The following FAT3 variants were observed in gnomAD, a reference collection of about 807,000 sequenced individuals.
The protein encoded by FAT3 is FAT atypical cadherin 3, also known as protocadherin Fat 3.
In FAT3, 95 loss-of-function variants were observed where a neutral mutation model predicts 310.2. The observed-to-expected ratio is 0.31, with a 90% CI of 0.26 to 0.36. FAT3 has a LOEUF of 0.36. Among genes scored for constraint, FAT3 ranks in the 10% least tolerant of loss-of-function variants. The pLI, the probability that FAT3 is intolerant of heterozygous loss-of-function variation, is 1.00. For synonymous variants in FAT3, 2,314 were observed against 2,192.9 expected (o/e 1.06, Z -1.54); for missense variants, 5,408 against 5,715.6 (o/e 0.95, Z 1.74).
At chr11:92,651,796 T>C (rs1175177116) in intron 3 of FAT3, among the ~76,000 whole-genome samples, 1 of 152,216 alleles carries the variant, frequency 6.6e-6, no homozygotes, top group Non-Finnish European at 1.5e-5. Flanking sequence ...TTTGTCTCTG[T>C]TAGACCATGC....
At chr11:92,563,369 T>A (rs908333720) in intron 3 of FAT3, among the ~76,000 whole-genome samples, 1 of 152,204 alleles carries the variant, frequency 6.6e-6, no homozygotes, top group Non-Finnish European at 1.5e-5. Context: ...TGTACTCTTA[T>A]AAGTAAAACA....
intron 3 of FAT3, among the ~76,000 whole-genome samples, chr11:92,587,840 T>C (rs1454929979): frequency 6.6e-6 from 1 of 151,998 alleles, no homozygotes; most frequent in Non-Finnish European, 1.5e-5. Context: ...AGGACAAAAA[T>C]TGGAGGCAAA....
intron 3 of FAT3, among the ~76,000 whole-genome samples, chr11:92,566,374 A>G (rs1418364384): frequency 1.3e-5 from 2 of 152,160 alleles, no homozygotes; most frequent in Non-Finnish European, 2.9e-5. Flanking sequence ...CCACTGCTCA[A>G]TGAAATAGAA....
At position 92,471,914 on chromosome 11, in the gene FAT3, GCTATATATAT is replaced by G. The variant is rs1228556777; in HGVS notation, c.3293-52719_3293-52710del. ...CTTCAAAAGACCCTACTTTTCATAT[GCTATATATAT>G]ATATATATATATATATATATATATA... is the stretch of plus-strand genomic sequence containing the variant. On this transcript the variant is annotated intron_variant, in intron 2 of 27. Coordinates refer to ENST00000525166, the MANE Select transcript of FAT3 (RefSeq NM_001367949.2). Among the ~76,000 whole-genome samples the G allele has an allele frequency of 2.4e-3, 149 of 62,928 alleles. 1 individual carries two copies. Among genetic ancestry groups the G allele is most frequent in the African/African-American group, 7.0e-3 (146 of 20,904 alleles). The allele number at this position is 62,928 out of a possible 152,430, so 41.3% of individuals were successfully genotyped here.
chr11:92,295,289 G>C (rs1565207937), intron 1 of FAT3, among the ~76,000 whole-genome samples: 1 of 152,118 alleles, frequency 6.6e-6, no homozygotes, highest in Non-Finnish European at 1.5e-5. Context: ...TTGGTTCACA[G>C]AGCCTGCCAA....
chr11:92,520,243 A>G (rs1161493681), intron 2 of FAT3, among the ~76,000 whole-genome samples: 2 of 152,206 alleles, frequency 1.3e-5, no homozygotes, highest in Non-Finnish European at 2.9e-5. Flanking sequence ...GAAAAACAGT[A>G]CAGACTATAT....
At chr11:92,550,334 A>T (rs1954766531) in intron 3 of FAT3, among the ~76,000 whole-genome samples, 2 of 152,332 alleles carry the variant, frequency 1.3e-5, no homozygotes, top group African/African-American at 4.8e-5. Flanking sequence ...GCTCACTGTG[A>T]TGTTGTAAAT....
chr11:92,435,283 C>T (rs922772328), intron 2 of FAT3, among the ~76,000 whole-genome samples: 21 of 152,270 alleles, frequency 1.4e-4, no homozygotes, highest in East Asian at 3.9e-4. Flanking sequence ...TCAGGGTATG[C>T]TTAAGCTATT....
At chr11:92,628,896 GCA>G (rs1241022276) in intron 3 of FAT3, among the ~76,000 whole-genome samples, 1 of 151,878 alleles carries the variant, frequency 6.6e-6, no homozygotes, top group East Asian at 1.9e-4. Context: ...GTGCACTCAT[GCA>G]CACACACACA....
In FAT3 at chr11:92,883,647, T is replaced by C. The variant is rs1437614816; in HGVS notation, c.12937+254T>C. Among the ~76,000 whole-genome samples the C allele has an allele frequency of 6.6e-6, 1 of 152,168 alleles. No homozygotes were observed. Among genetic ancestry groups the C allele is most frequent in the Non-Finnish European group, 1.5e-5 (1 of 68,034 alleles). On this transcript the variant is annotated intron_variant, in intron 24 of 27. Coordinates refer to ENST00000525166, the MANE Select transcript of FAT3 (RefSeq NM_001367949.2). The surrounding 1 kb of genome is among the most constrained non-coding windows in gnomAD (Gnocchi z 4.2). ...GAGGCAGCTAGTAAGAGGCAGTCAG[T>C]ACCCCAACTCAAGTCTTCCAGGCTC...
At chr11:92,269,496 A>G (rs1353609768) in intron 1 of FAT3, among the ~76,000 whole-genome samples, 1 of 152,160 alleles carries the variant, frequency 6.6e-6, no homozygotes, top group Non-Finnish European at 1.5e-5. Flanking sequence ...ATATACTTTG[A>G]ACAAGCAGAA....
At chr11:92,415,849 C>CTTT (rs1196695394) in intron 2 of FAT3, among the ~76,000 whole-genome samples, 3,609 of 70,360 alleles carry the variant, frequency 0.051, 201 homozygotes, top group Non-Finnish European at 0.064. Context: ...AGCATTTTTG[C>CTTT]TTTTTTTTTT....
At chr11:92,350,324 A>T (rs897566258) in intron 1 of FAT3, among the ~76,000 whole-genome samples, 1 of 151,344 alleles carries the variant, frequency 6.6e-6, no homozygotes, top group Non-Finnish European at 1.5e-5. Context: ...TACAATTTGT[A>T]ATATTTTAAT....
chr11:92,810,302 A>G (rs1947634327), intron 13 of FAT3, among the ~76,000 whole-genome samples: 1 of 152,068 alleles, frequency 6.6e-6, no homozygotes, highest in African/African-American at 2.4e-5. Flanking sequence ...AGATACTAAG[A>G]AGTCTTTTAC....
At chr11:92,267,435 G>C (rs1167563761) in intron 1 of FAT3, among the ~76,000 whole-genome samples, 1 of 152,100 alleles carries the variant, frequency 6.6e-6, no homozygotes, top group South Asian at 2.1e-4. Context: ...AGGGGAAGGA[G>C]ACCACAGAAG....
intron 3 of FAT3, among the ~76,000 whole-genome samples, chr11:92,548,293 G>A (rs532190727): frequency 1.1e-4 from 17 of 152,176 alleles, no homozygotes; most frequent in African/African-American, 2.2e-4. Flanking sequence ...TTTATCACCC[G>A]TTATGCTCTT....
Position 92,352,292 on chromosome 11 carries a change from C to G in FAT3, c.180C>G (p.Thr60=), listed in dbSNP as rs770532545. The G allele has an allele frequency of 6.7e-7, 1 of 1,493,252 alleles. No homozygotes were observed. The highest frequency in any genetic ancestry group is 1.4e-5 in the African/African-American group (1 of 72,240). The allele number at this position is 1,493,252 out of a possible 1,614,324, so 92.5% of individuals were successfully genotyped here. The change falls in exon 2 of 28, where the codon ACC becomes ACG. Residue 60 remains threonine (T), a synonymous_variant. Coordinates refer to ENST00000525166, the MANE Select transcript of FAT3 (RefSeq NM_001367949.2). ...ATVYENSAAR[T]YVNSQSRMGI... ...TGTATGAGAACTCAGCAGCAAGGAC[C>G]TACGTCAACAGCCAGAGTAGAATGG... is the stretch of plus-strand genomic sequence containing the variant.
In FAT3 at chr11:92,800,382, C is replaced by T. The variant is rs1482870635; in HGVS notation, c.7369C>T (p.Arg2457Trp). 2.5e-6 allele frequency: 4 copies of T among 1,613,846 alleles called. No homozygotes were observed. Among genetic ancestry groups the T allele is most frequent in the East Asian group, 2.2e-5 (1 of 44,878 alleles). ...TGGAGTTATCACATTGTCCAACCAT[C>T]GGAAGCAGCGGATGGAGCCTCTGTA... is the stretch of plus-strand genomic sequence containing the variant. ...KSGVITLSNH[R>W]KQRMEPLYSL... Residue 2457 changes from arginine (R) to tryptophan (W), a missense_variant, in exon 10 of 28, where the codon CGG becomes TGG. This residue lies in a region of FAT3 where 4,588 missense variants were observed against 4,809.8 expected (regional missense o/e 0.95). Transcript: ENST00000525166.
Position 92,890,730 on chromosome 11 carries a change from T to C in FAT3, c.13387T>C (p.Tyr4463His), listed in dbSNP as rs1180182007. The change falls in exon 28 of 28, where the codon TAT (tyrosine) becomes CAT (histidine). Residue 4463 changes from tyrosine (Y) to histidine (H), a missense_variant. By Grantham distance (83) the Tyr-to-His change is moderately conservative (BLOSUM62 2). Transcript: ENST00000525166. ...PPLPEDFPDQ[Y>H]EALPPSQPVS... ...TCTCCCGGAGGACTTCCCAGACCAA[T>C]ATGAGGCCCTGCCACCCTCCCAGCC... The C allele has an allele frequency of 5.0e-6, 8 of 1,613,440 alleles. No individual in the cohort carries two copies. Among genetic ancestry groups the C allele is most frequent in the Non-Finnish European group, 6.8e-6 (8 of 1,179,740 alleles).
Sources: gnomAD v4.1 joint callset for allele counts (sites outside exome capture counted in the v4.1 genomes callset) on GRCh38, gnomAD v4.1.1 for gene constraint, gnomAD v4.1.1 regional missense constraint, Gnocchi (gnomAD v3.1) non-coding constraint, MANE v1.5 for transcripts, NCBI Gene and HGNC (gene_info 2026-07-23, HGNC 2026-07-21) for gene names.